Variants in CCDC181 observed in about 807,000 individuals in gnomAD.
The protein encoded by CCDC181 is coiled-coil domain-containing protein 181.
In CCDC181, 35 loss-of-function variants were observed where a neutral mutation model predicts 58.7. The observed-to-expected ratio is 0.60, with a 90% CI of 0.46 to 0.79. CCDC181 has a LOEUF of 0.79. CCDC181 is among the 30% of genes least tolerant of loss of function. CCDC181 has a pLI of 0.00. For synonymous variants in CCDC181, 183 were observed against 197.5 expected (o/e 0.93, Z 0.62); for missense variants, 517 against 583.9 (o/e 0.89, Z 1.18).
intron 4 of CCDC181, among the ~76,000 whole-genome samples, chr1:169,402,079 A>T (rs557612619): frequency 1.3e-5 from 2 of 152,184 alleles, no homozygotes; most frequent in African/African-American, 4.8e-5. Context: ...AAATGAATGA[A>T]ATGAAGTGAG....
intron 4 of CCDC181, among the ~76,000 whole-genome samples, chr1:169,399,700 T>C (rs2102041250): frequency 1.3e-5 from 2 of 152,312 alleles, no homozygotes; most frequent in South Asian, 4.1e-4. Flanking sequence ...ATCCATGATA[T>C]CATAATTGGT....
intron 2 of CCDC181, among the ~76,000 whole-genome samples, chr1:169,432,587 C>T (rs1157011048): frequency 6.6e-6 from 1 of 152,072 alleles, no homozygotes; most frequent in Non-Finnish European, 1.5e-5. Flanking sequence ...TCATCACATG[C>T]AAGGGATTTG....
upstream of CCDC181, among the ~76,000 whole-genome samples, chr1:169,429,496 C>A (rs1365933975): frequency 6.6e-6 from 1 of 152,106 alleles, no homozygotes. Context: ...TATGACCATT[C>A]TTGCAGGAGT....
At chr1:169,447,438 C>T (rs1368242358) in intron 2 of CCDC181, among the ~76,000 whole-genome samples, 1 of 152,082 alleles carries the variant, frequency 6.6e-6, no homozygotes, top group Non-Finnish European at 1.5e-5. Context: ...TATTTTGTAG[C>T]TCAAATGTAA....
At chr1:169,458,323 A>G (rs1657738891) in intron 2 of CCDC181, among the ~76,000 whole-genome samples, 1 of 152,122 alleles carries the variant, frequency 6.6e-6, no homozygotes, top group African/African-American at 2.4e-5. Flanking sequence ...TAATGCCAAA[A>G]TGTTATTCAA....
intron 4 of CCDC181, among the ~76,000 whole-genome samples, chr1:169,407,239 GA>G (rs1655712724): frequency 6.6e-6 from 1 of 151,950 alleles, no homozygotes; most frequent in Non-Finnish European, 1.5e-5. Flanking sequence ...GAAGCCAGAG[GA>G]AAAAGATTTA....
At chr1:169,400,839 G>C (rs1655300321) in intron 4 of CCDC181, among the ~76,000 whole-genome samples, 1 of 152,172 alleles carries the variant, frequency 6.6e-6, no homozygotes, top group South Asian at 2.1e-4. Flanking sequence ...AGCCCACAGA[G>C]CACAGTGGGG....
intron 4 of CCDC181, among the ~76,000 whole-genome samples, chr1:169,415,150 T>C (rs1248953443): frequency 6.6e-6 from 1 of 152,244 alleles, no homozygotes; most frequent in Non-Finnish European, 1.5e-5. Flanking sequence ...TTGCACAATA[T>C]ACTGTACATT....
At chr1:169,436,966 C>G (rs909524244) in intron 2 of CCDC181, among the ~76,000 whole-genome samples, 6 of 151,916 alleles carry the variant, frequency 3.9e-5, no homozygotes, top group African/African-American at 1.5e-4. Context: ...ATGATTTCTA[C>G]AAAGTGTTGA....
At chr1:169,415,633 T>C (rs984952102) in intron 4 of CCDC181, among the ~76,000 whole-genome samples, 1 of 152,170 alleles carries the variant, frequency 6.6e-6, no homozygotes, top group Non-Finnish European at 1.5e-5. Context: ...GTATTTCTGT[T>C]TTCCTGAGAA....
intron 3 of CCDC181, 129 bp from the exon 4 acceptor site, chr1:169,419,288 G>T (rs187581542): frequency 4.4e-6 from 5 of 1,135,732 alleles, no homozygotes; most frequent in Admixed American, 2.9e-5. Context: ...TCAGAAAACT[G>T]GTCCTTCTAG....
rs991531089 is a variant in CCDC181 at position 169,425,012 on chromosome 1, G to A, written c.-23-62C>T. ...CACTCTAGAGGAGGAATGGAGTATGGAGATTAATGCTGTAGGTAAGCTAAT... is the reference window on the plus strand; with the variant it reads ...CACTCTAGAGGAGGAATGGAGTATGAAGATTAATGCTGTAGGTAAGCTAAT... On this transcript the variant is annotated intron_variant, in intron 1 of 5. Coordinates refer to ENST00000367806, the MANE Select transcript of CCDC181 (RefSeq NM_001300969.2). 127 of 684,438 alleles carry A rather than the reference G, an allele frequency of 1.9e-4. 2 individuals carry two copies. The highest frequency in any genetic ancestry group is 1.8e-3 in the Middle Eastern group (7 of 3,894). The allele number at this position is 684,438 out of a possible 1,614,324, so 42.4% of individuals were successfully genotyped here.
At chr1:169,417,351 T>A (rs1656260059) in intron 4 of CCDC181, among the ~76,000 whole-genome samples, 1 of 152,184 alleles carries the variant, frequency 6.6e-6, no homozygotes, top group Admixed American at 6.5e-5. Context: ...TCAGGTTTGA[T>A]TAATTTGCTA....
At chr1:169,423,079 T>TATATATATA (rs377436139) in intron 2 of CCDC181, among the ~76,000 whole-genome samples, 1 of 146,944 alleles carries the variant, frequency 6.8e-6, no homozygotes, top group Non-Finnish European at 1.5e-5. Context: ...ATATATATAT[T>TATATATATA]TTTTCTCTTT....
At chr1:169,444,155 G>C (rs12124049) in intron 2 of CCDC181, among the ~76,000 whole-genome samples, 40,365 of 152,100 alleles carry the variant, frequency 0.27, 6,728 homozygotes, top group Non-Finnish European at 0.38. Context: ...GCAGTAAACG[G>C]ATCCAGCAAA....
In CCDC181 at chr1:169,412,734, C is replaced by T. The variant is rs111444233; in HGVS notation, c.1215+6279G>A. Among the ~76,000 whole-genome samples, 307 of 152,130 alleles carry T rather than the reference C, an allele frequency of 2.0e-3. 2 individuals are homozygous for T. Among genetic ancestry groups the T allele is most frequent in the African/African-American group, 7.0e-3 (291 of 41,532 alleles). Reference sequence around the variant, plus strand: ...AAATAATGCCACCCATCTACAACCACCTGATCTTCGACAAACCTGACAAAA... The same window carrying T: ...AAATAATGCCACCCATCTACAACCATCTGATCTTCGACAAACCTGACAAAA... On this transcript the variant is annotated intron_variant, in intron 4 of 5. Transcript: ENST00000367806.
At chr1:169,428,540 G>A (rs1358500121), upstream of CCDC181, among the ~76,000 whole-genome samples, 1 of 152,086 alleles carries the variant, frequency 6.6e-6, no homozygotes, top group Admixed American at 6.5e-5. Context: ...GGGAACAGGT[G>A]GTGTTTGGTT....
intron 1 of CCDC181, among the ~76,000 whole-genome samples, chr1:169,425,286 C>T (rs755925839): frequency 6.6e-6 from 1 of 152,036 alleles, no homozygotes; most frequent in Non-Finnish European, 1.5e-5. Flanking sequence ...CCATTAGCTT[C>T]GCTTTGTTCT....
intron 4 of CCDC181, among the ~76,000 whole-genome samples, chr1:169,409,971 C>T (rs1655874040): frequency 6.6e-6 from 1 of 152,228 alleles, no homozygotes; most frequent in East Asian, 1.9e-4. Flanking sequence ...GAAGAAACTG[C>T]ATCAACTAAC....
Sources: allele counts gnomAD v4.1 joint callset (sites outside exome capture counted in the v4.1 genomes callset), GRCh38; gene constraint gnomAD v4.1.1; transcripts MANE v1.5; gene names NCBI Gene and HGNC (gene_info 2026-07-23, HGNC 2026-07-21).